The following NEBL variants were observed in gnomAD, a reference collection of about 807,000 sequenced individuals.
NEBL encodes LIM and SH3 protein 2.
In NEBL, 122 loss-of-function variants were observed where a neutral mutation model predicts 140.2. The ratio of observed to expected loss-of-function variants is 0.87; its 90% CI spans 0.75 to 1.01. The LOEUF (loss-of-function observed/expected upper bound fraction) is 1.01, where lower values mean the gene tolerates loss of function less well. NEBL is among the 50% of genes least tolerant of loss of function. NEBL has a pLI of 0.00. For synonymous variants in NEBL, 436 were observed against 398.9 expected, an observed-to-expected ratio of 1.09 and a Z score of -1.11; for missense variants, 1,365 against 1,231.3, an observed-to-expected ratio of 1.11 and a Z score of -1.62.
chr10:20,961,657 TA>T, intron 4 of NEBL: 1 of 1,556,412 alleles, frequency 6.4e-7, no homozygotes, highest in Non-Finnish European at 8.9e-7. Flanking sequence ...TGCTATTGAA[TA>T]AACAGGCACC....
At chr10:21,264,284 T>C (rs947503221) in intron 1 of NEBL, among the ~76,000 whole-genome samples, 2 of 152,046 alleles carry the variant, frequency 1.3e-5, no homozygotes, top group Non-Finnish European at 2.9e-5. Context: ...GCATCTCTCA[T>C]CTGCCCCTAC....
chr10:20,928,068 A>C (rs1834000709), intron 4 of NEBL, among the ~76,000 whole-genome samples: 1 of 152,220 alleles, frequency 6.6e-6, no homozygotes, highest in African/African-American at 2.4e-5. Context: ...TATTGATATA[A>C]AATTATTAAT....
At chr10:21,152,219 T>C (rs778594294) in intron 2 of NEBL, among the ~76,000 whole-genome samples, 9 of 152,180 alleles carry the variant, frequency 5.9e-5, no homozygotes, top group Non-Finnish European at 1.2e-4. Flanking sequence ...TGGATTCTCT[T>C]TCGTGCTCAT....
intron 2 of NEBL, among the ~76,000 whole-genome samples, chr10:21,060,029 C>T (rs1835203989): frequency 6.6e-6 from 1 of 152,200 alleles, no homozygotes; most frequent in Non-Finnish European, 1.5e-5. Flanking sequence ...CTGCCAAATA[C>T]AAATATTTTA....
At chr10:21,172,593 C>T (rs755710864) in intron 1 of NEBL, 2 of 744,154 alleles carry the variant, frequency 2.7e-6, no homozygotes, top group Non-Finnish European at 4.6e-6. Flanking sequence ...AATATTACAA[C>T]AAAAAGAGTG....
rs141347111 is a variant in NEBL at position 21,108,609 on chromosome 10, G to A, written c.164+63774C>T. On this transcript the variant is annotated intron_variant, in intron 2 of 6. Coordinates refer to the NEBL transcript ENST00000417816. Reference sequence around the variant, plus strand: ...ATGTGGTCAATTTTAGAATAAGTGTGATGTGGTGCTAAGAAGAATGTATAT... The same window carrying A: ...ATGTGGTCAATTTTAGAATAAGTGTAATGTGGTGCTAAGAAGAATGTATAT... Among the ~76,000 whole-genome samples the A allele has an allele frequency of 3.7e-3, 570 of 152,282 alleles. 6 individuals carry two copies. The highest frequency in any genetic ancestry group is 0.013 in the African/African-American group (526 of 41,558).
At chr10:21,128,313 T>C (rs1354044680) in intron 2 of NEBL, among the ~76,000 whole-genome samples, 1 of 152,162 alleles carries the variant, frequency 6.6e-6, no homozygotes, top group African/African-American at 2.4e-5. Flanking sequence ...TCTTATAGAT[T>C]ACAGTAATTA....
intron 5 of NEBL, 82 bp downstream of exon 5, chr10:20,880,712 T>A (rs899831605): frequency 9.4e-7 from 1 of 1,067,712 alleles, no homozygotes; most frequent in African/African-American, 1.6e-5. Context: ...TTGTAATGTT[T>A]AAATTTCAGC....
rs372717660 is a variant in NEBL, at chr10:20,943,076, A to T, written c.357+18596T>A. 3.9e-5 allele frequency among the ~76,000 whole-genome samples: 6 copies of T among 152,352 alleles called. No homozygotes were observed. The East Asian group carries it at 1.2e-3, about 29-fold the overall frequency. ...ACTAGAAATACCATTTGACCCAGCC[A>T]TCCCATTACTGGGTATATACCCAAA... On this transcript the variant is annotated intron_variant, in intron 4 of 6. Coordinates refer to the NEBL transcript ENST00000417816.
chr10:20,821,582 G>T (rs1193135129), intron 19 of NEBL, among the ~76,000 whole-genome samples: 1 of 152,116 alleles, frequency 6.6e-6, no homozygotes, highest in Non-Finnish European at 1.5e-5. Flanking sequence ...CTAAGAGATT[G>T]TTATATTTCT....
chr10:20,888,396 T>C (rs1379855135), intron 3 of NEBL, among the ~76,000 whole-genome samples, 189 bp from the exon 4 acceptor site: 1 of 152,210 alleles, frequency 6.6e-6, no homozygotes, highest in Non-Finnish European at 1.5e-5. Context: ...AAATCCAATT[T>C]ATCATAGAGA....
chr10:21,126,106 C>G lies in NEBL; in HGVS notation c.164+46277G>C, dbSNP rs142167688. 1.4e-5 allele frequency: 23 copies of G among 1,612,012 alleles called. No individual in the cohort carries two copies. The African/African-American group carries it at 2.4e-4, about 17-fold the overall frequency. On this transcript the variant is annotated intron_variant, in intron 2 of 6. Transcript: ENST00000417816. ...AGGCCTCAGGCCCTTCTCGGCTCTCCGTTCTGCCTTACCAGGCCTATGGGA... is the reference window on the plus strand; with the variant it reads ...AGGCCTCAGGCCCTTCTCGGCTCTCGGTTCTGCCTTACCAGGCCTATGGGA...
At chr10:21,189,496 ACT>A (rs1345878068) in intron 3 of NEBL, among the ~76,000 whole-genome samples, 1 of 151,652 alleles carries the variant, frequency 6.6e-6, no homozygotes, top group Non-Finnish European at 1.5e-5. Context: ...ATGGAGTCTC[ACT>A]CTGTCTCCCA....
chr10:20,880,285 G>T (rs972109373), intron 5 of NEBL, among the ~76,000 whole-genome samples: 1 of 152,124 alleles, frequency 6.6e-6, no homozygotes, highest in South Asian at 2.1e-4. Flanking sequence ...ACTTGAACCC[G>T]GCAGGCAGAG....
At chr10:20,974,258 T>C (rs951099024) in intron 3 of NEBL, among the ~76,000 whole-genome samples, 2 of 151,824 alleles carry the variant, frequency 1.3e-5, no homozygotes, top group African/African-American at 2.4e-5. Flanking sequence ...TTTTCTTTTT[T>C]TTTTTTTTTC....
intron 2 of NEBL, among the ~76,000 whole-genome samples, chr10:21,040,447 T>C (rs1001672013): frequency 2.0e-5 from 3 of 152,166 alleles, no homozygotes; most frequent in Admixed American, 1.3e-4. Context: ...CTTCCAGTCA[T>C]GGCAGAAGGT....
intron 4 of NEBL, among the ~76,000 whole-genome samples, chr10:20,932,421 G>C (rs923527291): frequency 6.6e-6 from 1 of 152,076 alleles, no homozygotes. Flanking sequence ...GCCTGGGGCT[G>C]GGGGGTGGGG....
chr10:21,242,714 G>T (rs1842457232), intron 3 of NEBL, among the ~76,000 whole-genome samples: 1 of 152,178 alleles, frequency 6.6e-6, no homozygotes, highest in Non-Finnish European at 1.5e-5. Context: ...CCTATAGGTA[G>T]TTTGTATTTA....
At position 21,173,689 on chromosome 10, in the gene NEBL, A is replaced by C; in HGVS notation, c.69+76T>G. The C allele has an allele frequency of 6.2e-7, 1 of 1,605,518 alleles. No individual in the cohort carries two copies. Among genetic ancestry groups the C allele is most frequent in the African/African-American group, 1.3e-5 (1 of 74,874 alleles). ...CGACCCACTCATTGCTTTCCATCCC[A>C]GGTGCCAAAACTTCTCGAAGCAGGT... On this transcript the variant is annotated intron_variant, in intron 1 of 6. Coordinates refer to the NEBL transcript ENST00000417816. The surrounding 1 kb of genome is among the most constrained non-coding windows in gnomAD (Gnocchi z 5.7).
Sources: allele counts gnomAD v4.1 joint callset (sites outside exome capture counted in the v4.1 genomes callset), GRCh38; gene constraint gnomAD v4.1.1; non-coding constraint Gnocchi (gnomAD v3.1); transcripts MANE v1.5; gene names NCBI Gene and HGNC (gene_info 2026-07-23, HGNC 2026-07-21).